The following PTGER3 variants were observed in gnomAD, a reference collection of about 807,000 sequenced individuals.
PTGER3 encodes the protein prostaglandin E2 receptor EP3 subtype.
In PTGER3, 22 loss-of-function variants were observed where a neutral mutation model predicts 34.7. The observed-to-expected ratio is 0.63, with a 90% CI of 0.45 to 0.91. The LOEUF is 0.91. Among genes scored for constraint, PTGER3 ranks in the 40% least tolerant of loss-of-function variants. The pLI is 0.00. For missense variants in PTGER3, 468 were observed against 519.4 expected, an observed-to-expected ratio of 0.90 and a Z score of 0.96; for synonymous variants, 241 against 230.1, an observed-to-expected ratio of 1.05 and a Z score of -0.43.
At chr1:70,984,161 T>C (rs1435155825) in intron 2 of PTGER3, among the ~76,000 whole-genome samples, 1 of 152,072 alleles carries the variant, frequency 6.6e-6, no homozygotes, top group African/African-American at 2.4e-5. Context: ...CCAATATGTG[T>C]GGATTACCTG....
At chr1:70,974,999 T>C (rs1423703345) in intron 2 of PTGER3, among the ~76,000 whole-genome samples, 1 of 152,174 alleles carries the variant, frequency 6.6e-6, no homozygotes, top group East Asian at 1.9e-4. Context: ...AGATCTCAAC[T>C]TGGAGAATCA....
intron 1 of PTGER3, among the ~76,000 whole-genome samples, chr1:71,022,397 G>T (rs747013757): frequency 1.3e-5 from 2 of 151,894 alleles, no homozygotes; most frequent in African/African-American, 2.4e-5. Flanking sequence ...AGTGGCCTCA[G>T]TGATGGACTT....
Position 70,863,581 on chromosome 1 carries a change from T to C in PTGER3, c.*24-10722A>G, listed in dbSNP as rs527505924. On this transcript the variant is annotated intron_variant, in intron 4 of 4. Transcript: ENST00000370931. ...CCTGGGTCAAGATCCATTCATGAGT[T>C]ACGAAATCACTTATGTGGCTTACAT... 1.6e-3 allele frequency among the ~76,000 whole-genome samples: 240 copies of C among 152,336 alleles called. 1 individual carries two copies. The highest frequency in any genetic ancestry group is 2.1e-3 in the Non-Finnish European group (145 of 68,028).
At chr1:70,981,844 C>G (rs1440736725) in intron 2 of PTGER3, among the ~76,000 whole-genome samples, 4 of 152,128 alleles carry the variant, frequency 2.6e-5, no homozygotes, top group Non-Finnish European at 5.9e-5. Context: ...GTATCCAACA[C>G]TTGCTTTAGT....
At chr1:71,019,413 C>T (rs1411312509) in intron 1 of PTGER3, among the ~76,000 whole-genome samples, 1 of 152,134 alleles carries the variant, frequency 6.6e-6, no homozygotes, top group African/African-American at 2.4e-5. Flanking sequence ...TCCCTGGGTT[C>T]CACGTGACTC....
At chr1:70,990,225 C>T (rs1045879801) in intron 2 of PTGER3, among the ~76,000 whole-genome samples, 7 of 151,072 alleles carry the variant, frequency 4.6e-5, no homozygotes, top group African/African-American at 1.5e-4. Flanking sequence ...GGCGTGGTGG[C>T]GGGCACCTGT....
intron 4 of PTGER3, among the ~76,000 whole-genome samples, chr1:70,924,687 A>G (rs1165748439): frequency 6.6e-6 from 1 of 152,172 alleles, no homozygotes; most frequent in African/African-American, 2.4e-5. Flanking sequence ...CTCTTTTTGT[A>G]GGAATTCAGG....
In PTGER3 at chr1:71,046,912, C is replaced by T; in HGVS notation, c.666G>A (p.Ser222=). ...CGAAGAAAAGGTTGCCCCAGTTATG[C>T]GAAGAGCTAGTCCCGTTGCCCCCTC... The part of the protein sequence containing the change: ...TGRGGNGTSS[S]HNWGNLFFAS... Residue 222 remains serine (S), a synonymous_variant, in exon 1 of 4, where the codon TCG becomes TCA. Transcript: ENST00000306666. 6.2e-7 allele frequency: 1 copy of T among 1,611,032 alleles called. No individual in the cohort carries two copies. Among genetic ancestry groups the T allele is most frequent in the Non-Finnish European group, 8.5e-7 (1 of 1,178,702 alleles).
At chr1:70,938,992 T>C (rs1406797876) in intron 4 of PTGER3, among the ~76,000 whole-genome samples, 1 of 152,112 alleles carries the variant, frequency 6.6e-6, no homozygotes. Flanking sequence ...AAGTCCACAA[T>C]TGAAAGTCTC....
intron 4 of PTGER3, among the ~76,000 whole-genome samples, chr1:70,895,263 G>A (rs1005627071): frequency 6.6e-6 from 1 of 152,058 alleles, no homozygotes; most frequent in Non-Finnish European, 1.5e-5. Flanking sequence ...TGTGTATCAG[G>A]ATCTCTGGAC....
intron 2 of PTGER3, among the ~76,000 whole-genome samples, chr1:70,991,560 C>G (rs965548325): frequency 1.3e-5 from 2 of 152,186 alleles, no homozygotes; most frequent in African/African-American, 4.8e-5. Flanking sequence ...CAGGGAGATG[C>G]ATTCCGTGCC....
chr1:70,891,661 C>T (rs1192234403), intron 4 of PTGER3, among the ~76,000 whole-genome samples: 1 of 152,214 alleles, frequency 6.6e-6, no homozygotes, highest in Admixed American at 6.5e-5. Context: ...CCCTCCAGGG[C>T]AGGAGCTGTG....
chr1:70,917,446 C>A (rs10889901), intron 4 of PTGER3, among the ~76,000 whole-genome samples: 1 of 81,728 alleles, frequency 1.2e-5, no homozygotes, highest in East Asian at 2.7e-4. Flanking sequence ...TGTGTGTATA[C>A]AATCAATTCC....
In PTGER3 at chr1:71,046,972, C is replaced by G; in HGVS notation, c.606G>C (p.Gln202His). The part of the protein sequence containing the change: ...PVLGVGQYTV[Q>H]WPGTWCFIST... ...TGATGAAGCACCACGTCCCGGGCCA[C>G]TGGACGGTGTACTGGCCCACGCCCA... Residue 202 changes from glutamine to histidine, a missense_variant, in exon 1 of 4, where the codon CAG (glutamine) becomes CAC (histidine). This residue lies in a region of PTGER3 where 204 missense variants were observed against 230.8 expected (regional missense o/e 0.88). Coordinates refer to ENST00000306666, the MANE Select transcript of PTGER3 (RefSeq NM_198719.2). 1 of 1,611,744 alleles carries G rather than the reference C, an allele frequency of 6.2e-7. No homozygotes were observed. Among genetic ancestry groups the G allele is most frequent in the Non-Finnish European group, 8.5e-7 (1 of 1,179,188 alleles).
intron 2 of PTGER3, among the ~76,000 whole-genome samples, chr1:70,983,353 T>G (rs1290204062): frequency 6.6e-6 from 1 of 152,206 alleles, no homozygotes; most frequent in Non-Finnish European, 1.5e-5. Context: ...AGTCAGTTAT[T>G]GAATATCAGT....
chr1:70,993,104 A>T (rs562264299), intron 2 of PTGER3, among the ~76,000 whole-genome samples: 1 of 152,302 alleles, frequency 6.6e-6, no homozygotes, highest in South Asian at 2.1e-4. Flanking sequence ...GGATATACTT[A>T]CTTTCTTCCC....
chr1:70,985,341 G>A (rs892409401), intron 2 of PTGER3, among the ~76,000 whole-genome samples: 2 of 152,150 alleles, frequency 1.3e-5, no homozygotes, highest in African/African-American at 2.4e-5. Context: ...TCTCCCTGGG[G>A]CTTATGGAAG....
chr1:70,895,418 A>G (rs1308962319), intron 4 of PTGER3, among the ~76,000 whole-genome samples: 8 of 152,164 alleles, frequency 5.3e-5, no homozygotes, highest in African/African-American at 1.9e-4. Context: ...GTGGCTGCCT[A>G]TGATTACTCA....
chr1:70,880,488 G>A (rs182311556), intron 4 of PTGER3, among the ~76,000 whole-genome samples: 55 of 151,068 alleles, frequency 3.6e-4, no homozygotes, highest in African/African-American at 1.3e-3. Flanking sequence ...TCAGGAGTTC[G>A]AGACCAGCCT....
Sources: gnomAD v4.1 joint callset for allele counts (sites outside exome capture counted in the v4.1 genomes callset) on GRCh38, gnomAD v4.1.1 for gene constraint, gnomAD v4.1.1 regional missense constraint, MANE v1.5 for transcripts, NCBI Gene and HGNC (gene_info 2026-07-23, HGNC 2026-07-21) for gene names.